ARHGAP5: variants seen among roughly 807,000 people sequenced by gnomAD.
ARHGAP5 encodes the protein Rho GTPase activating protein 5, also known as rho GTPase-activating protein 5.
In ARHGAP5, 23 loss-of-function variants were observed where a neutral mutation model predicts 116.6. The observed-to-expected ratio is 0.20, with a 90% CI of 0.14 to 0.28. ARHGAP5 has a LOEUF of 0.28. ARHGAP5 is among the 10% of genes least tolerant of loss of function. The pLI, the probability that ARHGAP5 is intolerant of heterozygous loss-of-function variation, is 1.00. For synonymous variants in ARHGAP5, 574 were observed against 602.0 expected (o/e 0.95, Z 0.68); for missense variants, 1,405 against 1,774.8 (o/e 0.79, Z 3.74).
chr14:32,146,735 A>T (rs966389523), intron 4 of ARHGAP5, among the ~76,000 whole-genome samples: 1 of 152,200 alleles, frequency 6.6e-6, no homozygotes, highest in East Asian at 1.9e-4. Flanking sequence ...AAGTATGAAG[A>T]CAGAAGAGGA....
intron 1 of ARHGAP5, among the ~76,000 whole-genome samples, chr14:32,082,797 C>T (rs970417514): frequency 6.6e-6 from 1 of 152,222 alleles, no homozygotes; most frequent in African/African-American, 2.4e-5. Context: ...GCCTCTGCCT[C>T]TCAAAGTGTT....
chr14:32,152,547 G>T lies in ARHGAP5; in HGVS notation c.4181+19G>T. 2 of 1,422,036 alleles carry T rather than the reference G, an allele frequency of 1.4e-6. No individual in the cohort carries two copies. The highest frequency in any genetic ancestry group is 1.4e-5 in the South Asian group (1 of 73,698). The allele number at this position is 1,422,036 out of a possible 1,614,324, so 88.1% of individuals were successfully genotyped here. The stretch of plus-strand genomic sequence containing the variant: ...TAAACAGGTATTTTTATTTTTTTAG[G>T]GTTTTTTGGCAAATAAAATGCACTA... On this transcript the variant is annotated intron_variant, in intron 6 of 6. Coordinates refer to ENST00000345122, the MANE Select transcript of ARHGAP5 (RefSeq NM_001030055.2).
chr14:32,081,688 T>C (rs1278279224), intron 1 of ARHGAP5, among the ~76,000 whole-genome samples: 1 of 151,994 alleles, frequency 6.6e-6, no homozygotes, highest in East Asian at 1.9e-4. Context: ...TTGGCATAAC[T>C]ATTTGTCTAG....
At position 32,090,555 on chromosome 14, in the gene ARHGAP5, C is replaced by G. The variant is rs1300514847; in HGVS notation, c.-115C>G. 7.4e-6 allele frequency: 7 copies of G among 949,854 alleles called. No individual in the cohort carries two copies. The highest frequency in any genetic ancestry group is 1.1e-5 in the Non-Finnish European group (7 of 639,462). 58.8% of individuals were successfully genotyped at this position (949,854 alleles called of 1,614,324 possible). On this transcript the variant is annotated 5_prime_UTR_variant, in exon 2 of 7. Coordinates refer to ENST00000345122, the MANE Select transcript of ARHGAP5 (RefSeq NM_001030055.2). Reference sequence around the variant, plus strand: ...TTTCTGCACAGAAATGAGGGAAATACAAAGAACCAAATACAGTTCTGAAAT... The same window carrying G: ...TTTCTGCACAGAAATGAGGGAAATAGAAAGAACCAAATACAGTTCTGAAAT...
intron 2 of ARHGAP5, among the ~76,000 whole-genome samples, chr14:32,101,843 C>T (rs758773888): frequency 1.8e-4 from 27 of 151,964 alleles, no homozygotes; most frequent in Non-Finnish European, 3.4e-4. Context: ...ATTAGCCAGG[C>T]GTGGTGGTGT....
At chr14:32,121,508 A>T (rs980090976) in intron 3 of ARHGAP5, among the ~76,000 whole-genome samples, 1 of 152,172 alleles carries the variant, frequency 6.6e-6, no homozygotes, top group Non-Finnish European at 1.5e-5. Flanking sequence ...ATGTTTTAAA[A>T]TCACCATACA....
chr14:32,137,911 G>A (rs774167118), intron 3 of ARHGAP5, among the ~76,000 whole-genome samples: 2 of 150,690 alleles, frequency 1.3e-5, no homozygotes, highest in Admixed American at 6.6e-5. Context: ...TGGGGAGGTT[G>A]CAGTGAGCCA....
intron 2 of ARHGAP5, among the ~76,000 whole-genome samples, chr14:32,102,272 A>T (rs1167388897): frequency 6.6e-6 from 1 of 152,160 alleles, no homozygotes; most frequent in Non-Finnish European, 1.5e-5. Flanking sequence ...TTTTTTCTAG[A>T]CCCTTCAACC....
At chr14:32,096,080 A>G (rs1878511371) in intron 2 of ARHGAP5, among the ~76,000 whole-genome samples, 1 of 151,272 alleles carries the variant, frequency 6.6e-6, no homozygotes, top group South Asian at 2.1e-4. Flanking sequence ...ATTTTGCCCC[A>G]CTTGATGGAG....
chr14:32,122,136 T>G (rs1879918795), intron 3 of ARHGAP5, among the ~76,000 whole-genome samples: 1 of 152,208 alleles, frequency 6.6e-6, no homozygotes, highest in South Asian at 2.1e-4. Context: ...CCACTTGACA[T>G]TCCCATCAGC....
chr14:32,077,551 G>T (rs2041719917), intron 1 of ARHGAP5, 116 bp downstream of exon 1: 4 of 571,186 alleles, frequency 7.0e-6, no homozygotes, highest in South Asian at 4.1e-5. Context: ...AGTTGAAGGG[G>T]CTGGGGCCCC....
rs374527700 is a variant in ARHGAP5, at chr14:32,093,053, T to C, written c.2384T>C (p.Ile795Thr). 6 of 1,613,892 alleles carry C rather than the reference T, an allele frequency of 3.7e-6. No individual in the cohort carries two copies. The highest frequency in any genetic ancestry group is 4.2e-6 in the Non-Finnish European group (5 of 1,179,936). The part of the protein sequence containing the change: ...MCGDPFSVDL[I>T]LSPFLDSHSC... Reference sequence around the variant, plus strand: ...GGAGATCCATTTAGTGTGGATCTTATTCTTTCACCCTTCCTTGATTCTCAT... The same window carrying C: ...GGAGATCCATTTAGTGTGGATCTTACTCTTTCACCCTTCCTTGATTCTCAT... Residue 795 changes from isoleucine (I) to threonine (T), a missense_variant, in exon 2 of 7, where the codon ATT becomes ACT. Ile to Thr is a moderately conservative substitution (Grantham distance 89). Transcript: ENST00000345122.
At chr14:32,117,795 A>G (rs895337834) in intron 3 of ARHGAP5, among the ~76,000 whole-genome samples, 1 of 152,190 alleles carries the variant, frequency 6.6e-6, no homozygotes, top group Non-Finnish European at 1.5e-5. Flanking sequence ...TGTATTTTTA[A>G]AGAATGCATA....
chr14:32,130,094 T>C (rs562496173), intron 3 of ARHGAP5, among the ~76,000 whole-genome samples: 1 of 151,490 alleles, frequency 6.6e-6, no homozygotes, highest in South Asian at 2.1e-4. Context: ...TAATAAAATA[T>C]ATATGTAATA....
intron 2 of ARHGAP5, among the ~76,000 whole-genome samples, chr14:32,099,090 A>C (rs1381052565): frequency 6.6e-6 from 1 of 152,106 alleles, no homozygotes; most frequent in Non-Finnish European, 1.5e-5. Flanking sequence ...GATACCTAAA[A>C]CGCATAGGAT....
chr14:32,156,010 A>G lies in ARHGAP5; in HGVS notation c.*1062A>G, dbSNP rs1221152610. The G allele has an allele frequency of 6.6e-6, 1 of 152,520 alleles. No individual in the cohort carries two copies. Among genetic ancestry groups the G allele is most frequent in the Admixed American group, 6.5e-5 (1 of 15,278 alleles). The allele number at this position is 152,520 out of a possible 1,614,324, so 9.4% of individuals were successfully genotyped here. A position where few individuals can be genotyped will look rare whatever the true frequency, so the allele number is the denominator to read the frequency against. On this transcript the variant is annotated 3_prime_UTR_variant, in exon 7 of 7. Coordinates refer to ENST00000345122, the MANE Select transcript of ARHGAP5 (RefSeq NM_001030055.2). The stretch of plus-strand genomic sequence containing the variant: ...ATATAGCAATAAAAATACTTTGGGT[A>G]CTGACAGACTCTTTGGAGTGTTTAT...
At chr14:32,078,606 A>G (rs539875071) in intron 1 of ARHGAP5, among the ~76,000 whole-genome samples, 4 of 152,166 alleles carry the variant, frequency 2.6e-5, no homozygotes, top group South Asian at 2.1e-4. Flanking sequence ...GTTGCTTTCT[A>G]CAGGTAGGGG....
At chr14:32,107,705 G>A (rs778931260) in intron 2 of ARHGAP5, among the ~76,000 whole-genome samples, 11 of 152,136 alleles carry the variant, frequency 7.2e-5, no homozygotes, top group Non-Finnish European at 1.3e-4. Context: ...AAAGACTAAG[G>A]GTGAAAGGAT....
intron 3 of ARHGAP5, among the ~76,000 whole-genome samples, chr14:32,139,784 G>A (rs978058447): frequency 5.7e-4 from 85 of 150,318 alleles, no homozygotes; most frequent in African/African-American, 2.0e-3. Context: ...CCTTAAAGTT[G>A]GAATCTTTTT....
Sources: gnomAD v4.1 joint callset for allele counts (sites outside exome capture counted in the v4.1 genomes callset) on GRCh38, gnomAD v4.1.1 for gene constraint, MANE v1.5 for transcripts, NCBI Gene and HGNC (gene_info 2026-07-23, HGNC 2026-07-21) for gene names.